Variants in MPHOSPH10 observed in about 807,000 individuals in gnomAD.
The protein encoded by MPHOSPH10 is M-phase phosphoprotein 10, also known as U3 small nucleolar ribonucleoprotein MPP10.
A neutral mutation model predicts 77.3 loss-of-function variants in MPHOSPH10; 33 were observed. That is an observed-to-expected ratio of 0.43 (90% CI 0.32 to 0.57). The LOEUF (loss-of-function observed/expected upper bound fraction) is 0.57, where lower values mean the gene tolerates loss of function less well. MPHOSPH10 is among the 20% of genes least tolerant of loss of function. The probability of loss-of-function intolerance (pLI) is 0.07; values close to 1 mark genes in which losing one functional copy is unlikely to be tolerated. For missense variants in MPHOSPH10, 708 were observed against 780.1 expected, an observed-to-expected ratio of 0.91 and a Z score of 1.10; for synonymous variants, 245 against 268.0, an observed-to-expected ratio of 0.91 and a Z score of 0.84.
intron 8 of MPHOSPH10, among the ~76,000 whole-genome samples, chr2:71,146,427 C>G (rs564684968): frequency 1.3e-5 from 2 of 150,238 alleles, no homozygotes; most frequent in South Asian, 4.2e-4. Flanking sequence ...CCTCTGCCTC[C>G]CAAGTTTAAG....
chr2:71,142,780 G>A (rs1226276554), intron 7 of MPHOSPH10, among the ~76,000 whole-genome samples: 5 of 152,214 alleles, frequency 3.3e-5, no homozygotes, highest in African/African-American at 1.2e-4. Flanking sequence ...TGGAAGGTGG[G>A]TGCTGATGAT....
At position 71,149,880 on chromosome 2, in the gene MPHOSPH10, C is replaced by G; in HGVS notation, c.1911C>G (p.Asp637Glu). The change falls in exon 11 of 11, where the codon GAC becomes GAG. Residue 637 changes from aspartate (D) to glutamate (E), a missense_variant. By Grantham distance (45) the Asp-to-Glu change is conservative. Coordinates refer to ENST00000244230, the MANE Select transcript of MPHOSPH10 (RefSeq NM_005791.3). Reference protein sequence around the residue: ...KASFIKDEGKDKALKSSQAFF... With the variant: ...KASFIKDEGKEKALKSSQAFF... The stretch of plus-strand genomic sequence containing the variant: ...TTTAATTGCAGGATGAAGGTAAAGA[C>G]AAGGCCTTAAAGTCCTCTCAAGCAT... The G allele has an allele frequency of 6.5e-7, 1 of 1,548,686 alleles. No homozygotes were observed. Among genetic ancestry groups the G allele is most frequent in the South Asian group, 1.3e-5 (1 of 79,374 alleles).
At chr2:71,146,077 G>A (rs1673700871) in intron 8 of MPHOSPH10, among the ~76,000 whole-genome samples, 1 of 152,192 alleles carries the variant, frequency 6.6e-6, no homozygotes, top group South Asian at 2.1e-4. Context: ...TGCATCTACT[G>A]TTCCACTCTG....
rs184625881 is a variant in MPHOSPH10, at chr2:71,140,311, T to G, written c.1308+449T>G. Among the ~76,000 whole-genome samples, 46 of 152,336 alleles carry G rather than the reference T, an allele frequency of 3.0e-4. 1 individual carries two copies. The East Asian group carries it at 7.9e-3, about 26-fold the overall frequency. On this transcript the variant is annotated intron_variant, in intron 6 of 10. Transcript: ENST00000244230. The stretch of plus-strand genomic sequence containing the variant: ...CTGAGAAGTCCAAGGTCGAGGGGCC[T>G]TCTTACCAGTGGGGATTCCGCAGAG...
chr2:71,138,504 T>C lies in MPHOSPH10; in HGVS notation c.1113T>C (p.Ile371=). The change falls in exon 5 of 11, where the codon ATT becomes ATC. Residue 371 remains isoleucine (I), a synonymous_variant. Transcript: ENST00000244230. Reference sequence around the variant, plus strand: ...CTCTTTCTTAGATGAATGAAAAAATTGCATCTTTAGAAAAAGAGTTGTTAG... The same window carrying C: ...CTCTTTCTTAGATGAATGAAAAAATCGCATCTTTAGAAAAAGAGTTGTTAG... ...EKRQEKMNEK[I]ASLEKELLEK... 6.3e-7 allele frequency: 1 copy of C among 1,582,272 alleles called. No individual in the cohort carries two copies. Among genetic ancestry groups the C allele is most frequent in the African/African-American group, 1.4e-5 (1 of 73,226 alleles).
intron 9 of MPHOSPH10, chr2:71,149,008 T>G: frequency 1.7e-6 from 1 of 590,536 alleles, no homozygotes; most frequent in Non-Finnish European, 3.0e-6. Context: ...GAACCGTCAC[T>G]ATAAGAGTCT....
At chr2:71,136,081 A>G (rs1409003906) in intron 4 of MPHOSPH10, among the ~76,000 whole-genome samples, 1 of 152,160 alleles carries the variant, frequency 6.6e-6, no homozygotes, top group Non-Finnish European at 1.5e-5. Context: ...TTATACCATC[A>G]CAAACATATC....
chr2:71,138,393 T>A (rs904213531), intron 4 of MPHOSPH10, 97 bp from the exon 5 acceptor site: 3 of 990,204 alleles, frequency 3.0e-6, no homozygotes, highest in African/African-American at 1.6e-5. Flanking sequence ...GAACAGTACG[T>A]TTCTTGCTTT....
Position 71,133,948 on chromosome 2 carries a change from T to C in MPHOSPH10, c.769T>C (p.Ser257Pro). 1 of 1,536,930 alleles carries C rather than the reference T, an allele frequency of 6.5e-7. No homozygotes were observed. The change falls in exon 3 of 11, where the codon TCA becomes CCA. Residue 257 changes from serine (S) to proline (P), a missense_variant and splice_region_variant. By Grantham distance (74) the Ser-to-Pro change is moderately conservative. This residue lies in a region of MPHOSPH10 where 433 missense variants were observed against 432.6 expected (regional missense o/e 1.00). Transcript: ENST00000244230. Reference sequence around the variant, plus strand: ...AGTTTTTAATATCTTTTTATTTTAGTCAGGTAAAAGTTCCAGAAATCTGAA... The same window carrying C: ...AGTTTTTAATATCTTTTTATTTTAGCCAGGTAAAAGTTCCAGAAATCTGAA... ...GGLFGSKKLK[S>P]GKSSRNLKYK...
rs770726641 is a variant in MPHOSPH10 at position 71,144,526 on chromosome 2, T to C, written c.1545T>C (p.Phe515=). The C allele has an allele frequency of 1.2e-6, 2 of 1,612,480 alleles. No homozygotes were observed. Among genetic ancestry groups the C allele is most frequent in the African/African-American group, 2.7e-5 (2 of 75,016 alleles). ...LKLDALSNFH[F]IPKPPVPEIK... ...TGGATGCCCTCTCAAACTTCCACTTTATCCCTAAACCGGTAAGTGTGTTAA... is the reference window on the plus strand; with the variant it reads ...TGGATGCCCTCTCAAACTTCCACTTCATCCCTAAACCGGTAAGTGTGTTAA... The change falls in exon 8 of 11, where the codon TTT becomes TTC. Residue 515 remains phenylalanine (F), a synonymous_variant. Transcript: ENST00000244230.
chr2:71,150,071 C>A lies in MPHOSPH10; in HGVS notation c.*56C>A. The A allele has an allele frequency of 2.1e-6, 2 of 971,794 alleles. No homozygotes were observed. Among genetic ancestry groups the A allele is most frequent in the Non-Finnish European group, 1.4e-6 (1 of 703,584 alleles). 60.2% of individuals were successfully genotyped at this position (971,794 alleles called of 1,614,324 possible). ...TGTAAGCTTATATTGTGTCATTGTT[C>A]TGTTTTATAATAAAATTCTTGAGAA... On this transcript the variant is annotated 3_prime_UTR_variant, in exon 11 of 11. Coordinates refer to ENST00000244230, the MANE Select transcript of MPHOSPH10 (RefSeq NM_005791.3).
intron 9 of MPHOSPH10, 117 bp downstream of exon 9, chr2:71,148,223 A>C: frequency 2.4e-6 from 2 of 837,094 alleles, no homozygotes; most frequent in Non-Finnish European, 4.0e-6. Context: ...AATGTATCTC[A>C]GCAGTTTCTA....
intron 4 of MPHOSPH10, among the ~76,000 whole-genome samples, chr2:71,135,026 G>T (rs545532561): frequency 2.6e-4 from 39 of 152,252 alleles, no homozygotes; most frequent in Non-Finnish European, 4.4e-4. Flanking sequence ...AATTAGCTGG[G>T]CATGGTGATG....
At chr2:71,149,114 G>T in intron 9 of MPHOSPH10, 109 bp from the exon 10 acceptor site, 1 of 939,822 alleles carries the variant, frequency 1.1e-6, no homozygotes, top group Non-Finnish European at 1.6e-6. Flanking sequence ...TTGTGCATTT[G>T]GCCACAGATG....
At chr2:71,147,265 A>G (rs1202860004) in intron 8 of MPHOSPH10, among the ~76,000 whole-genome samples, 2 of 152,366 alleles carry the variant, frequency 1.3e-5, no homozygotes, top group East Asian at 3.9e-4. Context: ...AGATCAGTAA[A>G]TCTTACCAAA....
intron 8 of MPHOSPH10, among the ~76,000 whole-genome samples, chr2:71,146,194 A>G (rs1284255035): frequency 2.6e-5 from 4 of 152,186 alleles, no homozygotes; most frequent in Admixed American, 2.6e-4. Flanking sequence ...GCCCAAATGA[A>G]AAGCCTTTCT....
chr2:71,136,666 A>G (rs1306534099), intron 4 of MPHOSPH10, among the ~76,000 whole-genome samples: 2 of 152,142 alleles, frequency 1.3e-5, no homozygotes, highest in Admixed American at 1.3e-4. Context: ...AAAAAGCACC[A>G]TTATAAAATA....
At chr2:71,137,533 C>T (rs1673520518) in intron 4 of MPHOSPH10, among the ~76,000 whole-genome samples, 1 of 151,852 alleles carries the variant, frequency 6.6e-6, no homozygotes, top group South Asian at 2.1e-4. Context: ...GTTGCACGCG[C>T]CTGTGGTCCC....
In MPHOSPH10 at chr2:71,133,298, C is replaced by T. The variant is rs2103660350; in HGVS notation, c.490C>T (p.Pro164Ser). Residue 164 changes from proline (P) to serine (S), a missense_variant, in exon 2 of 11, where the codon CCC becomes TCC. By Grantham distance (74) the Pro-to-Ser change is moderately conservative. This residue lies in a region of MPHOSPH10 where 433 missense variants were observed against 432.6 expected (regional missense o/e 1.00). Coordinates refer to ENST00000244230, the MANE Select transcript of MPHOSPH10 (RefSeq NM_005791.3). ...AAGCAAATCTGATCTGAGGAAAAGC[C>T]CCGTTTTCAGTGATGAGGATTCTGA... ...NSSKSDLRKS[P>S]VFSDEDSDLD... 2.5e-6 allele frequency: 4 copies of T among 1,614,022 alleles called. No individual in the cohort carries two copies. The highest frequency in any genetic ancestry group is 1.3e-5 in the African/African-American group (1 of 74,996).
Sources: gnomAD v4.1 joint callset for allele counts (sites outside exome capture counted in the v4.1 genomes callset) on GRCh38, gnomAD v4.1.1 for gene constraint, gnomAD v4.1.1 regional missense constraint, MANE v1.5 for transcripts, NCBI Gene and HGNC (gene_info 2026-07-23, HGNC 2026-07-21) for gene names.